The following TENM2 variants were observed in gnomAD, a reference collection of about 807,000 sequenced individuals.
TENM2 encodes teneurin-2.
Under a neutral mutation model 245.2 loss-of-function variants are expected in TENM2, and 52 were observed. That is an observed-to-expected ratio of 0.21 (90% CI 0.17 to 0.27). The LOEUF (loss-of-function observed/expected upper bound fraction) is 0.27, where lower values mean the gene tolerates loss of function less well. Among genes scored for constraint, TENM2 ranks in the 10% least tolerant of loss-of-function variants. TENM2 has a pLI of 1.00. For synonymous variants in TENM2, 1,363 were observed against 1,438.9 expected, an observed-to-expected ratio of 0.95 and a Z score of 1.19; for missense variants, 3,046 against 3,666.8, an observed-to-expected ratio of 0.83 and a Z score of 4.37.
intron 3 of TENM2, among the ~76,000 whole-genome samples, chr5:167,888,247 A>G (rs757880240): frequency 3.9e-5 from 6 of 152,256 alleles, no homozygotes; most frequent in East Asian, 1.9e-4. Flanking sequence ...TGTCTTCTCT[A>G]TTATTGAACC....
At chr5:167,412,878 CAAA>C (rs35434897) in intron 2 of TENM2, among the ~76,000 whole-genome samples, 53 of 137,398 alleles carry the variant, frequency 3.9e-4, no homozygotes, top group African/African-American at 1.3e-3. Flanking sequence ...TCATCGAAAG[CAAA>C]AAAAAAAAAA....
rs183409492 is a variant in TENM2, at chr5:167,775,152, G to A, written c.503-100834G>A. Among the ~76,000 whole-genome samples, 158 of 152,222 alleles carry A rather than the reference G, an allele frequency of 1.0e-3. 2 individuals are homozygous for A. The highest frequency in any genetic ancestry group is 2.9e-5 in the Non-Finnish European group (2 of 68,012). Reference sequence around the variant, plus strand: ...CCCAGCTAATTTTGTATTTTTAGTAGAGACGGGGTTTCTCCATGTTGGCCA... The same window carrying A: ...CCCAGCTAATTTTGTATTTTTAGTAAAGACGGGGTTTCTCCATGTTGGCCA... On this transcript the variant is annotated intron_variant, in intron 2 of 28. Transcript: ENST00000518659.
chr5:167,376,475 G>A (rs1760759797), intron 2 of TENM2, among the ~76,000 whole-genome samples: 1 of 152,154 alleles, frequency 6.6e-6, no homozygotes, highest in Non-Finnish European at 1.5e-5. Context: ...AAGGAAATTT[G>A]CAGGTGGACA....
At chr5:168,036,700 T>C (rs1332568139) in intron 5 of TENM2, among the ~76,000 whole-genome samples, 3 of 94,914 alleles carry the variant, frequency 3.2e-5, no homozygotes, top group Admixed American at 1.0e-4. Context: ...TATATATATA[T>C]GTATGTGTAT....
At chr5:167,531,461 A>G (rs1771493021) in intron 2 of TENM2, among the ~76,000 whole-genome samples, 2 of 151,664 alleles carry the variant, frequency 1.3e-5, no homozygotes, top group South Asian at 4.2e-4. Context: ...ACAGTCTGAC[A>G]CGTCCATCAC....
intron 2 of TENM2, among the ~76,000 whole-genome samples, chr5:167,464,379 G>A (rs1012279571): frequency 6.6e-6 from 1 of 151,976 alleles, no homozygotes; most frequent in East Asian, 1.9e-4. Flanking sequence ...GTATATCTTC[G>A]ACAAGTATAT....
At chr5:167,802,184 C>A (rs1583047139) in intron 2 of TENM2, among the ~76,000 whole-genome samples, 1 of 152,134 alleles carries the variant, frequency 6.6e-6, no homozygotes, top group African/African-American at 2.4e-5. Context: ...AAGGCCCCAC[C>A]TCTCAATACT....
the TENM2 span, among the ~76,000 whole-genome samples, chr5:167,199,483 C>T: frequency 2.0e-5 from 3 of 152,140 alleles, 1 homozygote; most frequent in South Asian, 6.2e-4. Context: ...TTTAATTCCA[C>T]ATTTCTCATT....
chr5:167,129,531 G>T, the TENM2 span, among the ~76,000 whole-genome samples: 121 of 152,226 alleles, frequency 7.9e-4, no homozygotes, highest in African/African-American at 2.5e-3. Context: ...TGATCTTCAG[G>T]CTCTGGCCTG....
At chr5:167,896,907 C>T (rs1295697941) in intron 3 of TENM2, among the ~76,000 whole-genome samples, 3 of 152,156 alleles carry the variant, frequency 2.0e-5, no homozygotes, top group East Asian at 1.9e-4. Flanking sequence ...GTTGCTAAAA[C>T]GTCCAGAAAA....
chr5:167,846,040 A>G (rs550950190), intron 2 of TENM2, among the ~76,000 whole-genome samples: 44 of 152,206 alleles, frequency 2.9e-4, no homozygotes, highest in Admixed American at 1.6e-3. Flanking sequence ...TTCTCTCTCC[A>G]GTTGTCATTG....
intron 12 of TENM2, among the ~76,000 whole-genome samples, chr5:168,160,756 A>C (rs1243169664): frequency 2.0e-5 from 3 of 152,094 alleles, no homozygotes; most frequent in Non-Finnish European, 4.4e-5. Context: ...ATAATGCTTC[A>C]TGCCTGTAAT....
chr5:167,153,451 A>G, the TENM2 span, among the ~76,000 whole-genome samples: 2 of 152,026 alleles, frequency 1.3e-5, no homozygotes, highest in African/African-American at 2.4e-5. Flanking sequence ...CGTTGAGTAG[A>G]CTCAGGAGGA....
chr5:167,661,921 T>G (rs571979829), intron 2 of TENM2, among the ~76,000 whole-genome samples: 3 of 152,342 alleles, frequency 2.0e-5, no homozygotes, highest in Non-Finnish European at 4.4e-5. Context: ...TTCTTAGTTA[T>G]CCTCAGGATT....
At chr5:166,991,402 T>A in the TENM2 span, among the ~76,000 whole-genome samples, 1 of 152,016 alleles carries the variant, frequency 6.6e-6, no homozygotes, top group Non-Finnish European at 1.5e-5. Context: ...GAAACTTTAA[T>A]GTTTTGTGAG....
chr5:167,154,244 C>T, the TENM2 span, among the ~76,000 whole-genome samples: 1 of 152,202 alleles, frequency 6.6e-6, no homozygotes, highest in African/African-American at 2.4e-5. Flanking sequence ...GTGATTTAAC[C>T]AATAACAGAT....
intron 8 of TENM2, among the ~76,000 whole-genome samples, chr5:168,091,297 T>C (rs945232688): frequency 7.2e-5 from 11 of 152,350 alleles, no homozygotes; most frequent in African/African-American, 1.9e-4. Context: ...TTAAAAATCA[T>C]GTTTTTATTC....
At chr5:167,146,052 T>C in the TENM2 span, among the ~76,000 whole-genome samples, 1 of 152,176 alleles carries the variant, frequency 6.6e-6, no homozygotes, top group Non-Finnish European at 1.5e-5. Flanking sequence ...CCTGCCATTC[T>C]GAGTTTATAT....
At chr5:167,841,023 G>T (rs80191372) in intron 2 of TENM2, among the ~76,000 whole-genome samples, 2,526 of 151,794 alleles carry the variant, frequency 0.017, 60 homozygotes, top group African/African-American at 0.057. Context: ...CCATTCATTG[G>T]AAGAATAGGT....
Sources: gnomAD v4.1 joint callset for allele counts (sites outside exome capture counted in the v4.1 genomes callset) on GRCh38, gnomAD v4.1.1 for gene constraint, MANE v1.5 for transcripts, NCBI Gene and HGNC (gene_info 2026-07-23, HGNC 2026-07-21) for gene names.